Variants in ADGRL3 observed in about 807,000 individuals in gnomAD.
ADGRL3 encodes the protein calcium-independent alpha-latrotoxin receptor 3.
A neutral mutation model predicts 153.5 loss-of-function variants in ADGRL3; 62 were observed. That is an observed-to-expected ratio of 0.40 (90% CI 0.33 to 0.50). ADGRL3 has a LOEUF of 0.50. ADGRL3 is among the 20% of genes least tolerant of loss of function. The pLI, the probability that ADGRL3 is intolerant of heterozygous loss-of-function variation, is 0.47. For missense variants in ADGRL3, 1,641 were observed against 1,859.4 expected (o/e 0.88, Z 2.16); for synonymous variants, 710 against 672.5 (o/e 1.06, Z -0.86).
chr4:61,790,943 A>C (rs1580840813), intron 8 of ADGRL3, among the ~76,000 whole-genome samples: 1 of 152,232 alleles, frequency 6.6e-6, no homozygotes, highest in Non-Finnish European at 1.5e-5. Context: ...TAGCAGGAGA[A>C]AGACCCACCC....
chr4:61,499,422 A>C (rs2152818497), intron 3 of ADGRL3, among the ~76,000 whole-genome samples: 1 of 152,334 alleles, frequency 6.6e-6, no homozygotes, highest in African/African-American at 2.4e-5. Flanking sequence ...GATGTGGGAA[A>C]ATAAAAATAA....
chr4:61,958,740 C>T (rs1251513240), intron 17 of ADGRL3, among the ~76,000 whole-genome samples: 1 of 152,068 alleles, frequency 6.6e-6, no homozygotes. Flanking sequence ...AATCATTTCC[C>T]ACCTGGTCAC....
intron 1 of ADGRL3, among the ~76,000 whole-genome samples, chr4:61,245,104 T>G (rs1316623108): frequency 6.6e-6 from 1 of 152,042 alleles, no homozygotes; most frequent in Non-Finnish European, 1.5e-5. Context: ...TGTTTCCTTC[T>G]TGTCCTCTTC....
chr4:61,803,889 A>G (rs2097527066), intron 8 of ADGRL3, among the ~76,000 whole-genome samples: 1 of 152,176 alleles, frequency 6.6e-6, no homozygotes, highest in Non-Finnish European at 1.5e-5. Context: ...TATGCTAATA[A>G]TGCTTCCTAT....
chr4:62,036,036 A>G (rs1190438870), intron 23 of ADGRL3, among the ~76,000 whole-genome samples: 1 of 152,130 alleles, frequency 6.6e-6, no homozygotes, highest in Non-Finnish European at 1.5e-5. Flanking sequence ...TTCTTTTTTT[A>G]AAATACACAA....
intron 1 of ADGRL3, among the ~76,000 whole-genome samples, chr4:61,307,810 A>C: frequency 6.6e-6 from 1 of 152,322 alleles, no homozygotes; most frequent in East Asian, 1.9e-4. Flanking sequence ...TCATTGGATA[A>C]TTAGCAATTT....
chr4:61,450,169 G>T (rs117079382), intron 2 of ADGRL3, among the ~76,000 whole-genome samples: 1 of 152,140 alleles, frequency 6.6e-6, no homozygotes, highest in African/African-American at 2.4e-5. Flanking sequence ...ATTTTAATAG[G>T]CTATAAAGTA....
chr4:61,721,669 C>G (rs2096246269), intron 6 of ADGRL3, among the ~76,000 whole-genome samples: 1 of 152,186 alleles, frequency 6.6e-6, no homozygotes, highest in Non-Finnish European at 1.5e-5. Context: ...TGCTAACCAT[C>G]ACAGTATATT....
At chr4:61,659,625 G>A (rs769720418) in intron 5 of ADGRL3, among the ~76,000 whole-genome samples, 11 of 152,082 alleles carry the variant, frequency 7.2e-5, no homozygotes, top group Non-Finnish European at 1.3e-4. Context: ...AAGGAAGCAG[G>A]AATACCTTGA....
At chr4:61,829,081 G>T (rs1029855155) in intron 9 of ADGRL3, among the ~76,000 whole-genome samples, 5 of 152,172 alleles carry the variant, frequency 3.3e-5, no homozygotes, top group Non-Finnish European at 7.3e-5. Flanking sequence ...TATCAGTAAA[G>T]GAGCCTATTT....
intron 9 of ADGRL3, among the ~76,000 whole-genome samples, chr4:61,839,190 T>C (rs2097984659): frequency 6.6e-6 from 1 of 152,012 alleles, no homozygotes; most frequent in Non-Finnish European, 1.5e-5. Context: ...TGTGATTTTG[T>C]TTTGTTTTTC....
intron 2 of ADGRL3, among the ~76,000 whole-genome samples, chr4:61,441,564 G>C (rs1292068108): frequency 6.7e-6 from 1 of 150,174 alleles, no homozygotes; most frequent in East Asian, 2.0e-4. Flanking sequence ...CTGCTGCCCA[G>C]GTTGGAGTGC....
At chr4:61,569,700 T>C (rs987964309) in intron 4 of ADGRL3, among the ~76,000 whole-genome samples, 1 of 152,208 alleles carries the variant, frequency 6.6e-6, no homozygotes, top group Non-Finnish European at 1.5e-5. Flanking sequence ...GTCTGGCTTC[T>C]TTTATTTGGC....
chr4:61,706,431 A>G (rs1172895209), intron 6 of ADGRL3, among the ~76,000 whole-genome samples: 3 of 151,848 alleles, frequency 2.0e-5, no homozygotes, highest in Admixed American at 1.3e-4. Context: ...CTCTCAAAAA[A>G]AAAAAAAAAA....
At chr4:61,560,231 T>A (rs999678316) in intron 4 of ADGRL3, among the ~76,000 whole-genome samples, 5 of 152,144 alleles carry the variant, frequency 3.3e-5, no homozygotes, top group Non-Finnish European at 5.9e-5. Context: ...GCCTTTATTG[T>A]TGTTTTAAAC....
chr4:61,270,180 A>T (rs2149767086), intron 1 of ADGRL3, among the ~76,000 whole-genome samples: 1 of 151,824 alleles, frequency 6.6e-6, no homozygotes, highest in Admixed American at 6.6e-5. Context: ...TCATGTTTAA[A>T]GGTCAGAATA....
intron 2 of ADGRL3, among the ~76,000 whole-genome samples, chr4:61,392,109 TC>T (rs1384607317): frequency 2.0e-5 from 3 of 150,978 alleles, no homozygotes. Flanking sequence ...GACCTCATGA[TC>T]CACCCGCCTG....
At chr4:61,206,233 G>T (rs929509638) in intron 1 of ADGRL3, among the ~76,000 whole-genome samples, 4 of 152,144 alleles carry the variant, frequency 2.6e-5, no homozygotes, top group African/African-American at 7.2e-5. Context: ...GGTGTTAAAA[G>T]AAGTGAAAAT....
intron 4 of ADGRL3, among the ~76,000 whole-genome samples, chr4:61,557,980 C>T (rs1323927235): frequency 6.6e-6 from 1 of 151,388 alleles, no homozygotes; most frequent in Non-Finnish European, 1.5e-5. Flanking sequence ...CTTACAGCAA[C>T]CTTGATATCG....
Sources: gnomAD v4.1 joint callset for allele counts (sites outside exome capture counted in the v4.1 genomes callset) on GRCh38, gnomAD v4.1.1 for gene constraint, MANE v1.5 for transcripts, NCBI Gene and HGNC (gene_info 2026-07-23, HGNC 2026-07-21) for gene names.